The following ELFN1 variants were observed in gnomAD, a reference collection of about 807,000 sequenced individuals.
ELFN1 encodes the protein protein ELFN1.
In ELFN1, 6 loss-of-function variants were observed where a neutral mutation model predicts 7.6. The ratio of observed to expected loss-of-function variants is 0.79; its 90% CI spans 0.43 to 1.56. The LOEUF is 1.56. ELFN1 is among the 40% of genes most tolerant of loss of function. The pLI is 0.01. For missense variants in ELFN1, 1,169 were observed against 1,232.2 expected (o/e 0.95, Z 0.77); for synonymous variants, 657 against 588.1 (o/e 1.12, Z -1.70).
rs925367636 is a variant in ELFN1 at position 1,718,229 on chromosome 7, C to T, written c.-294+8977C>T. On this transcript the variant is annotated intron_variant, in intron 3 of 3. Coordinates refer to ENST00000424383, the MANE Select transcript of ELFN1 (RefSeq NM_001128636.4). ...TCCCGTTGGCTAGAATGTGGTCCTA[C>T]GTGCAAGGGAAGCTAGAAATGTAGT... is the stretch of plus-strand genomic sequence containing the variant. Among the ~76,000 whole-genome samples, 15 of 152,276 alleles carry T rather than the reference C, an allele frequency of 9.9e-5. 1 individual carries two copies. In the East Asian group the frequency reaches 2.9e-3, roughly 29 times the overall value.
At chr7:1,703,174 C>G (rs778542066) in intron 2 of ELFN1, among the ~76,000 whole-genome samples, 2 of 152,112 alleles carry the variant, frequency 1.3e-5, no homozygotes, top group East Asian at 3.8e-4. Flanking sequence ...CCATACGTTT[C>G]GTAACCACCT....
intron 3 of ELFN1, among the ~76,000 whole-genome samples, chr7:1,724,359 C>T (rs1030350134): frequency 6.6e-6 from 1 of 152,128 alleles, no homozygotes; most frequent in African/African-American, 2.4e-5. Context: ...TCTCAGGTGA[C>T]CGTGTTTACC....
At chr7:1,696,175 A>AGTGT (rs140207256) in intron 2 of ELFN1, among the ~76,000 whole-genome samples, 131 of 148,088 alleles carry the variant, frequency 8.8e-4, no homozygotes, top group African/African-American at 3.0e-3. Context: ...AGAGAGAGAG[A>AGTGT]GTGTGTGTGT....
chr7:1,682,836 G>A (rs1030368939), intron 1 of ELFN1, among the ~76,000 whole-genome samples: 2 of 152,172 alleles, frequency 1.3e-5, no homozygotes, highest in East Asian at 3.8e-4. Flanking sequence ...GATGGGAACT[G>A]TGGGGTTTCA....
chr7:1,741,971 C>T (rs1011811906), intron 3 of ELFN1, among the ~76,000 whole-genome samples: 1 of 151,682 alleles, frequency 6.6e-6, no homozygotes, highest in Non-Finnish European at 1.5e-5. Flanking sequence ...CATCTGTACA[C>T]ACACACAGAC....
chr7:1,676,245 C>T (rs949287599), intron 1 of ELFN1, among the ~76,000 whole-genome samples: 2 of 152,232 alleles, frequency 1.3e-5, no homozygotes, highest in Non-Finnish European at 2.9e-5. Context: ...CCTCTGCCCT[C>T]CTCACTGACA....
At chr7:1,698,231 T>A (rs74472841) in intron 2 of ELFN1, among the ~76,000 whole-genome samples, 15,191 of 152,218 alleles carry the variant, frequency 0.1, 806 homozygotes, top group Middle Eastern at 0.15. Context: ...CAAGCCTCAT[T>A]TTCTACTTCT....
chr7:1,686,097 C>T (rs115533354), intron 1 of ELFN1, among the ~76,000 whole-genome samples: 2,141 of 150,394 alleles, frequency 0.014, 48 homozygotes, highest in African/African-American at 0.049. Flanking sequence ...TTTCCTGTTT[C>T]ATTGGATGTC....
chr7:1,724,528 T>C (rs1411660411), intron 3 of ELFN1, among the ~76,000 whole-genome samples: 2 of 152,150 alleles, frequency 1.3e-5, no homozygotes, highest in East Asian at 1.9e-4. Context: ...ATCTTGGTCC[T>C]GGCCCTCCTG....
intron 2 of ELFN1, among the ~76,000 whole-genome samples, chr7:1,702,428 A>G (rs55937903): frequency 0.014 from 1,768 of 128,658 alleles, 45 homozygotes; most frequent in African/African-American, 0.038. Flanking sequence ...GTCGGGGGGG[A>G]AAAAAAAAAA....
At chr7:1,711,877 C>T (rs912104528) in intron 3 of ELFN1, among the ~76,000 whole-genome samples, 14 of 152,210 alleles carry the variant, frequency 9.2e-5, no homozygotes, top group African/African-American at 2.2e-4. Context: ...GGCGGCAGCT[C>T]GGACCGTGCC....
chr7:1,707,501 G>A (rs114270550), intron 2 of ELFN1, among the ~76,000 whole-genome samples: 3,616 of 152,304 alleles, frequency 0.024, 142 homozygotes, highest in African/African-American at 0.081. Flanking sequence ...GGGCTGATGG[G>A]TGCCCTGGGA....
rs577726835 is a variant in ELFN1, at chr7:1,744,878, C to T, written c.282C>T (p.Asn94=). 2.2e-5 allele frequency: 34 copies of T among 1,569,598 alleles called. No individual in the cohort carries two copies. In the South Asian group the frequency reaches 2.2e-4, roughly 10 times the overall value. The change falls in exon 4 of 4, where the codon AAC becomes AAT. Residue 94 remains asparagine (N), a synonymous_variant. Coordinates refer to ENST00000424383, the MANE Select transcript of ELFN1 (RefSeq NM_001128636.4). ...GNLTYLNLTK[N]EIGYIEDGAF... Reference sequence around the variant, plus strand: ...TCACGTACCTCAACCTCACCAAGAACGAGATCGGCTACATCGAGGACGGCG... The same window carrying T: ...TCACGTACCTCAACCTCACCAAGAATGAGATCGGCTACATCGAGGACGGCG...
intron 3 of ELFN1, among the ~76,000 whole-genome samples, chr7:1,721,792 T>A (rs1215274970): frequency 6.6e-6 from 1 of 152,158 alleles, no homozygotes; most frequent in African/African-American, 2.4e-5. Flanking sequence ...CCCCTGCCCA[T>A]GGCAGAGGGA....
At chr7:1,733,180 T>C (rs574504386) in intron 3 of ELFN1, among the ~76,000 whole-genome samples, 1 of 152,212 alleles carries the variant, frequency 6.6e-6, no homozygotes, top group East Asian at 1.9e-4. Context: ...AGATTATAGG[T>C]GTGAGCCACC....
Position 1,673,566 on chromosome 7 carries a change from C to T in ELFN1, c.-549+3212C>T, listed in dbSNP as rs1778809531. ...CTGGTTCTGTCCCACCTCTTCCAGC[C>T]TCCTGGGGAGGGAGGGCGGGAGGTG... On this transcript the variant is annotated intron_variant, in intron 1 of 3. Coordinates refer to ENST00000424383, the MANE Select transcript of ELFN1 (RefSeq NM_001128636.4). This position sits in a 1 kb window ranked among gnomAD's most constrained non-coding sequence, Gnocchi z 4.7. Among the ~76,000 whole-genome samples, 1 of 152,138 alleles carries T rather than the reference C, an allele frequency of 6.6e-6. No individual in the cohort carries two copies. The highest frequency in any genetic ancestry group is 6.5e-5 in the Admixed American group (1 of 15,284).
intron 3 of ELFN1, among the ~76,000 whole-genome samples, chr7:1,710,512 C>G (rs1273298159): frequency 6.6e-6 from 1 of 152,230 alleles, no homozygotes; most frequent in African/African-American, 2.4e-5. Context: ...GGGTTCCACG[C>G]ACAGCATTGG....
At position 1,746,886 on chromosome 7, in the gene ELFN1, T is replaced by A; in HGVS notation, c.2290T>A (p.Ser764Thr). The A allele has an allele frequency of 6.5e-7, 1 of 1,545,282 alleles. No individual in the cohort carries two copies. The part of the protein sequence containing the change: ...SPQYHSLSYS[S>T]SPEYTCRASQ... Reference sequence around the variant, plus strand: ...GCAGTACCACAGCCTGAGCTACTCCTCCAGCCCCGAGTACACCTGCCGGGC... The same window carrying A: ...GCAGTACCACAGCCTGAGCTACTCCACCAGCCCCGAGTACACCTGCCGGGC... The change falls in exon 4 of 4, where the codon TCC becomes ACC. Residue 764 changes from serine to threonine, a missense_variant. Coordinates refer to ENST00000424383, the MANE Select transcript of ELFN1 (RefSeq NM_001128636.4).
At chr7:1,744,225 CGCT>C (rs1413928269) in intron 3 of ELFN1, 76 bp from the exon 4 acceptor site, 3 of 262,314 alleles carry the variant, frequency 1.1e-5, no homozygotes, top group Non-Finnish European at 2.1e-5. Flanking sequence ...GGGATGCCGC[CGCT>C]GTGAGATGCC....
Sources: gnomAD v4.1 joint callset for allele counts (sites outside exome capture counted in the v4.1 genomes callset) on GRCh38, gnomAD v4.1.1 for gene constraint, Gnocchi (gnomAD v3.1) non-coding constraint, MANE v1.5 for transcripts, NCBI Gene and HGNC (gene_info 2026-07-23, HGNC 2026-07-21) for gene names.